The following ARHGEF28 variants were observed in gnomAD, a reference collection of about 807,000 sequenced individuals.
ARHGEF28 encodes the protein 190 kDa guanine nucleotide exchange factor.
Under a neutral mutation model 206.6 loss-of-function variants are expected in ARHGEF28, and 152 were observed. The observed-to-expected ratio is 0.74, with a 90% CI of 0.64 to 0.84. The LOEUF is 0.84. Ranked by LOEUF, ARHGEF28 falls within the 40% of genes least tolerant of loss-of-function variation. The probability of loss-of-function intolerance (pLI) is 0.00; values close to 1 mark genes in which losing one functional copy is unlikely to be tolerated. For synonymous variants in ARHGEF28, 763 were observed against 776.4 expected, an observed-to-expected ratio of 0.98 and a Z score of 0.29; for missense variants, 2,028 against 2,073.2, an observed-to-expected ratio of 0.98 and a Z score of 0.42.
At chr5:73,866,989 G>A (rs34790866) in intron 18 of ARHGEF28, among the ~76,000 whole-genome samples, 19,147 of 152,162 alleles carry the variant, frequency 0.13, 1,591 homozygotes, top group East Asian at 0.35. Flanking sequence ...AGTTGGTGCA[G>A]GTAGTAACAA....
intron 9 of ARHGEF28, among the ~76,000 whole-genome samples, chr5:73,810,329 T>C (rs1433682309): frequency 6.6e-6 from 1 of 152,204 alleles, no homozygotes; most frequent in East Asian, 1.9e-4. Context: ...TTCAATACTG[T>C]TTCAGAATAA....
intron 35 of ARHGEF28, among the ~76,000 whole-genome samples, chr5:73,918,061 C>T (rs941766680): frequency 3.9e-5 from 6 of 152,200 alleles, no homozygotes; most frequent in African/African-American, 1.4e-4. Context: ...GTCTTCTCCC[C>T]ATCCAGCTAT....
Position 73,781,761 on chromosome 5 carries a change from G to A in ARHGEF28, c.910+1016G>A, listed in dbSNP as rs763340710. ...TGAAATACATATTATCTTCTTATCA[G>A]TTACTCTCCATTTGCTTCATATTTT... On this transcript the variant is annotated intron_variant, in intron 7 of 35. Transcript: ENST00000513042. Among the ~76,000 whole-genome samples, 3 of 151,970 alleles carry A rather than the reference G, an allele frequency of 2.0e-5. No individual in the cohort carries two copies. In the South Asian group the frequency reaches 6.2e-4, roughly 32 times the overall value.
chr5:73,708,119 CTAGA>C (rs1554055745), intron 2 of ARHGEF28, among the ~76,000 whole-genome samples: 2 of 151,910 alleles, frequency 1.3e-5, no homozygotes, highest in Non-Finnish European at 2.9e-5. Flanking sequence ...GATTTACCAA[CTAGA>C]TAAAGAGTTT....
intron 2 of ARHGEF28, among the ~76,000 whole-genome samples, chr5:73,713,282 T>C (rs1186657406): frequency 6.6e-6 from 1 of 152,234 alleles, no homozygotes; most frequent in African/African-American, 2.4e-5. Flanking sequence ...CTAGGTCTTC[T>C]CTCTATTTTG....
intron 7 of ARHGEF28, 56 bp downstream of exon 7, chr5:73,780,801 C>G: frequency 6.5e-7 from 1 of 1,527,660 alleles, no homozygotes; most frequent in Non-Finnish European, 8.9e-7. Context: ...GACCAACAAT[C>G]TAACCAGTCC....
intron 9 of ARHGEF28, among the ~76,000 whole-genome samples, chr5:73,798,205 G>A (rs1754934082): frequency 6.6e-6 from 1 of 152,222 alleles, no homozygotes; most frequent in East Asian, 1.9e-4. Context: ...ATCCCTTCAA[G>A]TATGTATCTT....
chr5:73,903,030 T>C (rs1376954162), intron 31 of ARHGEF28: 2 of 152,230 alleles, frequency 1.3e-5, no homozygotes, highest in Non-Finnish European at 2.9e-5. Context: ...CTAATGTCTT[T>C]AAGCTTCATC....
intron 1 of ARHGEF28, among the ~76,000 whole-genome samples, chr5:73,683,525 T>C (rs1056630238): frequency 6.6e-5 from 10 of 152,114 alleles, no homozygotes; most frequent in Admixed American, 3.9e-4. Context: ...AATTGTAGCA[T>C]GTGTTGGAAT....
chr5:73,673,460 C>A (rs1273068122), intron 1 of ARHGEF28, among the ~76,000 whole-genome samples: 1 of 152,102 alleles, frequency 6.6e-6, no homozygotes, highest in Admixed American at 6.5e-5. Context: ...AGCTTTATGT[C>A]TTACATTTAT....
intron 2 of ARHGEF28, among the ~76,000 whole-genome samples, chr5:73,719,324 T>C (rs1294681611): frequency 1.3e-5 from 2 of 149,854 alleles, no homozygotes; most frequent in Non-Finnish European, 3.0e-5. Context: ...GGCAGGAGAA[T>C]GGCGTGAACC....
chr5:73,667,293 A>C (rs568272209), intron 1 of ARHGEF28, among the ~76,000 whole-genome samples: 1 of 152,266 alleles, frequency 6.6e-6, no homozygotes, highest in African/African-American at 2.4e-5. Flanking sequence ...TTTTATTTTT[A>C]GTTTACATAC....
At chr5:73,749,558 C>G (rs1218899083) in intron 2 of ARHGEF28, among the ~76,000 whole-genome samples, 1 of 152,222 alleles carries the variant, frequency 6.6e-6, no homozygotes, top group East Asian at 1.9e-4. Flanking sequence ...ACATCTAGTA[C>G]ATTTTAAAGA....
At chr5:73,926,059 TCCATGGTGCTGAGA>T (rs2111995761) in intron 35 of ARHGEF28, among the ~76,000 whole-genome samples, 1 of 152,332 alleles carries the variant, frequency 6.6e-6, no homozygotes, top group Admixed American at 6.5e-5. Flanking sequence ...ACTACAAACC[TCCATGGTGCTGAGA>T]CCAGGTTTTG....
At chr5:73,754,306 A>C (rs2112407003) in intron 4 of ARHGEF28, among the ~76,000 whole-genome samples, 1 of 152,296 alleles carries the variant, frequency 6.6e-6, no homozygotes, top group Middle Eastern at 3.4e-3. Flanking sequence ...GGTCACACTA[A>C]AACTCTTCTG....
intron 1 of ARHGEF28, among the ~76,000 whole-genome samples, chr5:73,640,673 G>C (rs1450855022): frequency 6.6e-6 from 1 of 152,146 alleles, no homozygotes; most frequent in Non-Finnish European, 1.5e-5. Context: ...ATTTAGATGA[G>C]TGTTTTGCAT....
At position 73,771,972 on chromosome 5, in the gene ARHGEF28, G is replaced by C. The variant is rs377547332; in HGVS notation, c.476-1883G>C. Among the ~76,000 whole-genome samples, 3 of 152,190 alleles carry C rather than the reference G, an allele frequency of 2.0e-5. No homozygotes were observed. In the East Asian group the frequency reaches 5.8e-4, roughly 29 times the overall value. On this transcript the variant is annotated intron_variant, in intron 4 of 35. Transcript: ENST00000513042. ...TTGAATGTTATTTTACTGAGGGGAA[G>C]TGTTCCATGTCACACAGATGATTGA...
chr5:73,936,016 G>A (rs1168933771), intron 35 of ARHGEF28, among the ~76,000 whole-genome samples: 8 of 152,150 alleles, frequency 5.3e-5, no homozygotes, highest in Admixed American at 5.2e-4. Flanking sequence ...CCTTGACAGT[G>A]GATGTTTATG....
chr5:73,932,075 A>G (rs1764157724), intron 35 of ARHGEF28, among the ~76,000 whole-genome samples: 1 of 152,202 alleles, frequency 6.6e-6, no homozygotes, highest in South Asian at 2.1e-4. Context: ...AACTTGAAAT[A>G]TTTCAGTTCA....
Sources: gnomAD v4.1 joint callset for allele counts (sites outside exome capture counted in the v4.1 genomes callset) on GRCh38, gnomAD v4.1.1 for gene constraint, MANE v1.5 for transcripts, NCBI Gene and HGNC (gene_info 2026-07-23, HGNC 2026-07-21) for gene names.